LYST: variants seen among roughly 807,000 people sequenced by gnomAD.
The protein encoded by LYST is lysosomal trafficking regulator, also known as lysosomal-trafficking regulator.
LYST carries 192 observed loss-of-function variants against 413.6 expected under a neutral mutation model. The observed-to-expected ratio is 0.46, with a 90% CI of 0.41 to 0.52. The LOEUF (loss-of-function observed/expected upper bound fraction) is 0.52, where lower values mean the gene tolerates loss of function less well. LYST is among the 20% of genes least tolerant of loss of function. The pLI is 0.00. For synonymous variants in LYST, 1,525 were observed against 1,567.3 expected, an observed-to-expected ratio of 0.97 and a Z score of 0.64; for missense variants, 3,815 against 4,499.9, an observed-to-expected ratio of 0.85 and a Z score of 4.35.
At chr1:235,666,607 TACACACACACACACAC>T (rs10635511) in intron 50 of LYST, among the ~76,000 whole-genome samples, 3 of 141,364 alleles carry the variant, frequency 2.1e-5, no homozygotes, top group Non-Finnish European at 4.6e-5. Flanking sequence ...CACACACACA[TACACACACACACACAC>T]ACACACACAC....
chr1:235,842,286 G>T lies in LYST; in HGVS notation c.-97-8619C>A, dbSNP rs188095579. On this transcript the variant is annotated intron_variant, in intron 1 of 52. Coordinates refer to ENST00000389793, the MANE Select transcript of LYST (RefSeq NM_000081.4). ...AAATCCAGGCAATCAAGGAAGTGTG[G>T]ATCTCTACCAGACTGAAGAGTACAC... Among the ~76,000 whole-genome samples, 16 of 152,136 alleles carry T rather than the reference G, an allele frequency of 1.1e-4. No homozygotes were observed. In the South Asian group the frequency reaches 2.5e-3, roughly 24 times the overall value.
intron 50 of LYST, among the ~76,000 whole-genome samples, chr1:235,669,744 C>T (rs925835783): frequency 2.0e-5 from 3 of 152,332 alleles, no homozygotes; most frequent in African/African-American, 4.8e-5. Flanking sequence ...GGGTCCACTT[C>T]CACACTGCCG....
intron 1 of LYST, among the ~76,000 whole-genome samples, chr1:235,836,229 C>T (rs1676556937): frequency 6.6e-6 from 1 of 152,154 alleles, no homozygotes; most frequent in African/African-American, 2.4e-5. Flanking sequence ...CCATTTAATT[C>T]AACAAATGTT....
chr1:235,718,173 T>G (rs1332798452), intron 40 of LYST, among the ~76,000 whole-genome samples: 2 of 148,866 alleles, frequency 1.3e-5, no homozygotes, highest in Non-Finnish European at 3.0e-5. Flanking sequence ...CTGCAATTTT[T>G]TATAGATAGT....
At chr1:235,799,849 G>T (rs1363463490) in intron 10 of LYST, among the ~76,000 whole-genome samples, 1 of 137,242 alleles carries the variant, frequency 7.3e-6, no homozygotes, top group Non-Finnish European at 1.5e-5. Context: ...CTATTTCATT[G>T]TGTGGATCTG....
intron 21 of LYST, among the ~76,000 whole-genome samples, chr1:235,764,208 C>G (rs866794310): frequency 6.6e-6 from 1 of 152,136 alleles, no homozygotes; most frequent in East Asian, 1.9e-4. Flanking sequence ...TTCATATGCT[C>G]TATGCTACCA....
At chr1:235,676,737 A>G (rs1013160415) in intron 50 of LYST, among the ~76,000 whole-genome samples, 1 of 152,340 alleles carries the variant, frequency 6.6e-6, no homozygotes, top group East Asian at 1.9e-4. Flanking sequence ...GGAGGAAGGT[A>G]ACAAAGTCAA....
chr1:235,690,088 TTA>T (rs892489791), intron 47 of LYST, among the ~76,000 whole-genome samples: 40 of 152,202 alleles, frequency 2.6e-4, no homozygotes, highest in African/African-American at 9.6e-4. Context: ...AAAGCTTATG[TTA>T]TATCTTTAAC....
At position 235,759,194 on chromosome 1, in the gene LYST, T is replaced by A; in HGVS notation, c.6659A>T (p.Asp2220Val). Residue 2220 changes from aspartate to valine, a missense_variant, in exon 23 of 53, where the codon GAT (aspartate) becomes GTT (valine). Physicochemically the swap from Asp to Val is radical, Grantham distance 152 (BLOSUM62 -3). Transcript: ENST00000389793. Reference sequence around the variant, plus strand: ...ATCAGGTCGGCGTGGGCAGGACTCATCCCCAGGACTGTCATCTTCTGACCT... The same window carrying A: ...ATCAGGTCGGCGTGGGCAGGACTCAACCCCAGGACTGTCATCTTCTGACCT... The part of the protein sequence containing the change: ...EPRSEDDSPG[D>V]ESCPRRPDYL... 1 of 1,614,108 alleles carries A rather than the reference T, an allele frequency of 6.2e-7. No individual in the cohort carries two copies. Among genetic ancestry groups the A allele is most frequent in the Non-Finnish European group, 8.5e-7 (1 of 1,180,010 alleles).
chr1:235,697,017 G>T, intron 46 of LYST, 66 bp downstream of exon 46: 3 of 1,483,200 alleles, frequency 2.0e-6, no homozygotes, highest in Non-Finnish European at 2.8e-6. Flanking sequence ...CAGCACAGAT[G>T]AGCTAGAAAT....
At chr1:235,754,229 C>CTTTTTTT (rs71576486) in intron 25 of LYST, among the ~76,000 whole-genome samples, 38 of 86,532 alleles carry the variant, frequency 4.4e-4, no homozygotes, top group Non-Finnish European at 6.0e-4. Context: ...CTTTTCTTTT[C>CTTTTTTT]TTTTTTTTTT....
chr1:235,755,388 C>CAAAAGAAAAG lies in LYST; in HGVS notation c.7229+80_7229+89dup, dbSNP rs71174459. The CAAAAGAAAAG allele has an allele frequency of 0.048, 41,373 of 866,896 alleles. 960 individuals carry two copies. Among genetic ancestry groups the CAAAAGAAAAG allele is most frequent in the East Asian group, 0.12 (4,243 of 36,778 alleles). The allele number at this position is 866,896 out of a possible 1,614,324, so 53.7% of individuals were successfully genotyped here. A position where few individuals can be genotyped will look rare whatever the true frequency, so the allele number is the denominator to read the frequency against. ...TGGGCAACAGGGCGAGACTCCGTCT[C>CAAAAGAAAAG]AAAAGAAAAGAAAAGAAAAGAAAAG... On this transcript the variant is annotated intron_variant, in intron 25 of 52. Transcript: ENST00000389793.
Position 235,755,625 on chromosome 1 carries a change from C to T in LYST, c.7082G>A (p.Arg2361Lys). The change falls in exon 25 of 53, where the codon AGA (arginine) becomes AAA (lysine). Residue 2361 changes from arginine to lysine, a missense_variant. Arg to Lys is a conservative substitution (Grantham distance 26, BLOSUM62 2). Coordinates refer to ENST00000389793, the MANE Select transcript of LYST (RefSeq NM_000081.4). ...TTTATCTTTTTGTTCCTTAGATGCT[C>T]TAGCAAAATATGCATCTAATAGCTA... The part of the protein sequence containing the change: ...VIKLLDAYFA[R>K]ASKEQKDKFL... The T allele has an allele frequency of 6.2e-7, 1 of 1,611,778 alleles. No homozygotes were observed. Among genetic ancestry groups the T allele is most frequent in the Non-Finnish European group, 8.5e-7 (1 of 1,178,176 alleles).
At chr1:235,710,577 G>A (rs948266312) in intron 43 of LYST, among the ~76,000 whole-genome samples, 5 of 152,144 alleles carry the variant, frequency 3.3e-5, no homozygotes, top group Admixed American at 1.3e-4. Context: ...TATGATATAC[G>A]CTGTAAAAAA....
At chr1:235,859,505 T>TC (rs1679616617) in intron 1 of LYST, among the ~76,000 whole-genome samples, 5 of 149,082 alleles carry the variant, frequency 3.4e-5, no homozygotes, top group Admixed American at 3.3e-4. Context: ...ACCAGGCCTT[T>TC]TTTTTTTTTT....
At chr1:235,861,330 T>C (rs1558356637) in intron 1 of LYST, among the ~76,000 whole-genome samples, 1 of 152,234 alleles carries the variant, frequency 6.6e-6, no homozygotes, top group Non-Finnish European at 1.5e-5. Flanking sequence ...TTAGGTAAGA[T>C]TTTTGTTTTT....
intron 48 of LYST, among the ~76,000 whole-genome samples, chr1:235,683,444 T>C (rs1391433175): frequency 6.6e-6 from 1 of 152,256 alleles, no homozygotes; most frequent in South Asian, 2.1e-4. Flanking sequence ...AGTTATCACA[T>C]TTAGAAGATA....
chr1:235,803,293 G>T (rs1310510656), intron 7 of LYST, among the ~76,000 whole-genome samples: 1 of 151,898 alleles, frequency 6.6e-6, no homozygotes, highest in Non-Finnish European at 1.5e-5. Context: ...TAAGTTATAG[G>T]TCATTTCAGT....
At chr1:235,732,450 A>T (rs1664468474) in intron 34 of LYST, among the ~76,000 whole-genome samples, 1 of 152,128 alleles carries the variant, frequency 6.6e-6, no homozygotes, top group Non-Finnish European at 1.5e-5. Context: ...TACAGGTGTG[A>T]GCCACTGTGC....
Sources: allele counts gnomAD v4.1 joint callset (sites outside exome capture counted in the v4.1 genomes callset), GRCh38; gene constraint gnomAD v4.1.1; transcripts MANE v1.5; gene names NCBI Gene and HGNC (gene_info 2026-07-23, HGNC 2026-07-21).